SPIDR: variants seen among roughly 807,000 people sequenced by gnomAD.
SPIDR encodes scaffold protein involved in DNA repair, also known as DNA repair-scaffolding protein.
Under a neutral mutation model 104.6 loss-of-function variants are expected in SPIDR, and 93 were observed. The observed-to-expected ratio is 0.89, with a 90% CI of 0.75 to 1.06. The LOEUF (loss-of-function observed/expected upper bound fraction) is 1.06, where lower values mean the gene tolerates loss of function less well. Among genes scored for constraint, SPIDR ranks in the 50% least tolerant of loss-of-function variants. SPIDR has a pLI of 0.00. For missense variants in SPIDR, 1,154 were observed against 1,111.2 expected, an observed-to-expected ratio of 1.04 and a Z score of -0.55; for synonymous variants, 431 against 416.9, an observed-to-expected ratio of 1.03 and a Z score of -0.41.
At chr8:47,605,868 A>G (rs146425591) in intron 10 of SPIDR, among the ~76,000 whole-genome samples, 31 of 152,340 alleles carry the variant, frequency 2.0e-4, no homozygotes, top group Non-Finnish European at 7.3e-5. Flanking sequence ...AGAAACCTGA[A>G]CTAAGCAAAG....
chr8:47,414,552 T>C (rs1382198585), intron 7 of SPIDR, among the ~76,000 whole-genome samples: 1 of 152,196 alleles, frequency 6.6e-6, no homozygotes, highest in African/African-American at 2.4e-5. Context: ...GCTTGAGATC[T>C]TTCTTTCCAC....
At chr8:47,657,839 G>A (rs1448180153) in intron 10 of SPIDR, among the ~76,000 whole-genome samples, 1 of 151,852 alleles carries the variant, frequency 6.6e-6, no homozygotes, top group Non-Finnish European at 1.5e-5. Context: ...AGACCAGCCT[G>A]AGCAATATAG....
chr8:47,283,337 C>G (rs1338388951), intron 2 of SPIDR, among the ~76,000 whole-genome samples: 1 of 152,200 alleles, frequency 6.6e-6, no homozygotes, highest in African/African-American at 2.4e-5. Context: ...TCAGAACACA[C>G]ACAGCATTTA....
At chr8:47,311,252 T>A (rs2044096974) in intron 5 of SPIDR, among the ~76,000 whole-genome samples, 1 of 152,180 alleles carries the variant, frequency 6.6e-6, no homozygotes, top group Admixed American at 6.5e-5. Context: ...ATAGAAGTTA[T>A]TCTTTCTTAA....
intron 5 of SPIDR, among the ~76,000 whole-genome samples, chr8:47,298,621 A>G (rs2041376645): frequency 6.6e-6 from 1 of 152,242 alleles, no homozygotes; most frequent in Admixed American, 6.5e-5. Flanking sequence ...ATCTTGAATT[A>G]ATTTTTGTAT....
In SPIDR at chr8:47,400,400, T is replaced by C. The variant is rs1282079095; in HGVS notation, c.776+3774T>C. 2.6e-5 allele frequency among the ~76,000 whole-genome samples: 4 copies of C among 152,210 alleles called. No homozygotes were observed. In the East Asian group the frequency reaches 7.7e-4, roughly 29 times the overall value. Reference sequence around the variant, plus strand: ...CTATGCTTAAATACTAAAAATGAGATTGATGTGCTTAGGGTTGTTAGTCTC... The same window carrying C: ...CTATGCTTAAATACTAAAAATGAGACTGATGTGCTTAGGGTTGTTAGTCTC... On this transcript the variant is annotated intron_variant, in intron 6 of 19. Transcript: ENST00000297423.
chr8:47,684,193 A>G (rs1303750842), intron 11 of SPIDR, among the ~76,000 whole-genome samples: 1 of 151,694 alleles, frequency 6.6e-6, no homozygotes, highest in African/African-American at 2.4e-5. Flanking sequence ...ACAAACTGTT[A>G]AAATTTTTTC....
intron 8 of SPIDR, among the ~76,000 whole-genome samples, chr8:47,503,585 TC>T (rs1172856180): frequency 6.6e-6 from 1 of 152,178 alleles, no homozygotes; most frequent in Non-Finnish European, 1.5e-5. Context: ...CTCGACTCTA[TC>T]CAATTTGCCA....
chr8:47,577,937 G>A (rs951504492), intron 8 of SPIDR, among the ~76,000 whole-genome samples: 1 of 152,316 alleles, frequency 6.6e-6, no homozygotes, highest in South Asian at 2.1e-4. Context: ...CACACTGGGA[G>A]ATATAAGGCT....
At chr8:47,535,659 C>T (rs189957037) in intron 8 of SPIDR, among the ~76,000 whole-genome samples, 55 of 152,006 alleles carry the variant, frequency 3.6e-4, no homozygotes, top group Admixed American at 3.2e-3. Context: ...GAAAAGGATT[C>T]GACAAAATCC....
In SPIDR at chr8:47,303,539, C is replaced by T. The variant is rs1307825700; in HGVS notation, c.525+9509C>T. The stretch of plus-strand genomic sequence containing the variant: ...AATCACCCGTCTTCTGCGTCACTCA[C>T]GCTGGGAGCTGTAGACTGGAGCTGT... On this transcript the variant is annotated intron_variant, in intron 5 of 19. Transcript: ENST00000297423. Among the ~76,000 whole-genome samples, 7 of 152,158 alleles carry T rather than the reference C, an allele frequency of 4.6e-5. No individual in the cohort carries two copies. The South Asian group carries it at 1.0e-3, about 23-fold the overall frequency.
chr8:47,424,473 TA>T (rs1199254582), intron 7 of SPIDR, among the ~76,000 whole-genome samples: 7 of 151,702 alleles, frequency 4.6e-5, no homozygotes, highest in South Asian at 4.2e-4. Context: ...CCCAGCTGTT[TA>T]AAAAAAAATT....
intron 8 of SPIDR, among the ~76,000 whole-genome samples, chr8:47,553,431 C>G (rs1439764691): frequency 6.6e-6 from 1 of 152,156 alleles, no homozygotes; most frequent in Non-Finnish European, 1.5e-5. Context: ...TTTTTGGAGG[C>G]ATTGTTCGTT....
At chr8:47,344,862 A>T (rs1213227186) in intron 5 of SPIDR, among the ~76,000 whole-genome samples, 1 of 152,062 alleles carries the variant, frequency 6.6e-6, no homozygotes, top group Non-Finnish European at 1.5e-5. Flanking sequence ...TAGATTCTGG[A>T]TATTAGCCCT....
intron 5 of SPIDR, among the ~76,000 whole-genome samples, chr8:47,360,220 C>CA (rs1284676878): frequency 1.1e-5 from 1 of 88,606 alleles, no homozygotes; most frequent in East Asian, 4.0e-4. Flanking sequence ...CCAGCCTGGG[C>CA]AACAACAGAA....
intron 5 of SPIDR, among the ~76,000 whole-genome samples, chr8:47,318,874 C>G (rs1230057202): frequency 6.8e-6 from 1 of 146,638 alleles, no homozygotes; most frequent in Non-Finnish European, 1.5e-5. Context: ...AAATAAAATC[C>G]TTTACAGATA....
intron 5 of SPIDR, among the ~76,000 whole-genome samples, chr8:47,313,074 G>C (rs1471802786): frequency 2.0e-5 from 3 of 152,122 alleles, no homozygotes; most frequent in African/African-American, 7.2e-5. Flanking sequence ...AGTCAGGCAG[G>C]AGAAGGAAAT....
At position 47,658,132 on chromosome 8, in the gene SPIDR, G is replaced by A. The variant is rs895539561; in HGVS notation, c.1545-15669G>A. Among the ~76,000 whole-genome samples, 13 of 151,720 alleles carry A rather than the reference G, an allele frequency of 8.6e-5. No homozygotes were observed. In the East Asian group the frequency reaches 1.9e-3, roughly 23 times the overall value. On this transcript the variant is annotated intron_variant, in intron 10 of 19. Coordinates refer to ENST00000297423, the MANE Select transcript of SPIDR (RefSeq NM_001080394.4). ...GTAAATGTCTATCAAATTATACGAC[G>A]TCTTGGCCGGGTGCCGTGGCTTACA...
At chr8:47,674,951 A>G (rs1000011106) in intron 11 of SPIDR, among the ~76,000 whole-genome samples, 7 of 152,158 alleles carry the variant, frequency 4.6e-5, no homozygotes, top group African/African-American at 1.7e-4. Flanking sequence ...CCCTGAGTAG[A>G]TAAGAGCACA....
Sources: gnomAD v4.1 joint callset for allele counts (sites outside exome capture counted in the v4.1 genomes callset) on GRCh38, gnomAD v4.1.1 for gene constraint, MANE v1.5 for transcripts, NCBI Gene and HGNC (gene_info 2026-07-23, HGNC 2026-07-21) for gene names.